Variants in SYT1 observed in about 807,000 individuals in gnomAD.
The protein encoded by SYT1 is synaptotagmin-1.
SYT1 carries 8 observed loss-of-function variants against 44.8 expected under a neutral mutation model. The ratio of observed to expected loss-of-function variants is 0.18; its 90% confidence interval spans 0.10 to 0.32. SYT1 has a LOEUF of 0.32. SYT1 is among the 10% of genes least tolerant of loss of function. The pLI is 1.00. For synonymous variants in SYT1, 154 were observed against 188.8 expected, an observed-to-expected ratio of 0.82 and a Z score of 1.51; for missense variants, 286 against 509.3, an observed-to-expected ratio of 0.56 and a Z score of 4.22.
chr12:79,114,502 T>A (rs567775962), intron 3 of SYT1, among the ~76,000 whole-genome samples: 1 of 152,206 alleles, frequency 6.6e-6, no homozygotes, highest in Non-Finnish European at 1.5e-5. Context: ...AACTCCCATG[T>A]CTTAAGCCCA....
In SYT1 at chr12:78,927,486, G is replaced by A. The variant is rs1877368374; in HGVS notation, c.-216-50313G>A. ...GTGTCTTCCGTGCGTTATGAGATAT[G>A]TCCCATTCTGTAATCTCTGACCATG... On this transcript the variant is annotated intron_variant, in intron 1 of 10. Transcript: ENST00000261205. 2.6e-5 allele frequency among the ~76,000 whole-genome samples: 4 copies of A among 152,142 alleles called. No homozygotes were observed. The South Asian group carries it at 6.2e-4, about 24-fold the overall frequency.
intron 1 of SYT1, among the ~76,000 whole-genome samples, chr12:78,942,310 C>T (rs1878421037): frequency 6.6e-6 from 1 of 152,164 alleles, no homozygotes; most frequent in South Asian, 2.1e-4. Flanking sequence ...ATTCAATGAC[C>T]TTCAAGATTG....
chr12:79,201,112 T>C (rs1873759830), intron 3 of SYT1, among the ~76,000 whole-genome samples: 1 of 152,112 alleles, frequency 6.6e-6, no homozygotes, highest in African/African-American at 2.4e-5. Flanking sequence ...AAAAGGCTTA[T>C]AGTAACGTTC....
At chr12:79,147,861 A>G (rs1411031707) in intron 3 of SYT1, among the ~76,000 whole-genome samples, 1 of 152,182 alleles carries the variant, frequency 6.6e-6, no homozygotes, top group Non-Finnish European at 1.5e-5. Flanking sequence ...TGTATAAGGG[A>G]ATTTGTATTT....
At chr12:79,239,741 A>G (rs1311920708) in intron 4 of SYT1, among the ~76,000 whole-genome samples, 1 of 152,252 alleles carries the variant, frequency 6.6e-6, no homozygotes, top group Non-Finnish European at 1.5e-5. Context: ...CAAGGCTGCC[A>G]TCAAAATGTC....
intron 3 of SYT1, among the ~76,000 whole-genome samples, chr12:79,085,124 A>G (rs1877295340): frequency 6.6e-6 from 1 of 152,170 alleles, no homozygotes; most frequent in Non-Finnish European, 1.5e-5. Flanking sequence ...TCAGCCACCT[A>G]TGTGGACAAC....
intron 3 of SYT1, among the ~76,000 whole-genome samples, chr12:79,137,158 C>A (rs1869246651): frequency 6.6e-6 from 1 of 151,718 alleles, no homozygotes; most frequent in Non-Finnish European, 1.5e-5. Context: ...TGCAATGGTG[C>A]AATCTCGGCT....
At chr12:79,242,774 G>T (rs956217739) in intron 4 of SYT1, among the ~76,000 whole-genome samples, 3 of 152,150 alleles carry the variant, frequency 2.0e-5, no homozygotes, top group Admixed American at 6.5e-5. Flanking sequence ...GTGGAAGACT[G>T]TGTGTTATAT....
intron 3 of SYT1, among the ~76,000 whole-genome samples, chr12:79,158,854 G>A (rs1252023598): frequency 1.3e-5 from 2 of 151,724 alleles, no homozygotes; most frequent in Non-Finnish European, 2.9e-5. Flanking sequence ...CTGTGATCAC[G>A]CCACTGAACT....
intron 3 of SYT1, among the ~76,000 whole-genome samples, chr12:79,199,229 AC>A (rs1270076286): frequency 2.0e-5 from 3 of 152,154 alleles, no homozygotes; most frequent in African/African-American, 7.2e-5. Flanking sequence ...ATGGACTTCT[AC>A]AAAGTGCATC....
At chr12:78,961,753 T>C (rs764782046) in intron 1 of SYT1, among the ~76,000 whole-genome samples, 1 of 152,134 alleles carries the variant, frequency 6.6e-6, no homozygotes, top group Non-Finnish European at 1.5e-5. Flanking sequence ...CCAGAAGATA[T>C]AAGCTGTATA....
chr12:79,276,558 C>A (rs1375890805), intron 4 of SYT1, among the ~76,000 whole-genome samples: 1 of 151,606 alleles, frequency 6.6e-6, no homozygotes, highest in Non-Finnish European at 1.5e-5. Flanking sequence ...CACCTCTAGT[C>A]CCAGCTACTA....
At chr12:78,944,146 T>C (rs1055483218) in intron 1 of SYT1, among the ~76,000 whole-genome samples, 1 of 151,718 alleles carries the variant, frequency 6.6e-6, no homozygotes, top group South Asian at 2.1e-4. Context: ...GAATATACGC[T>C]AAAAGATGCT....
At chr12:78,996,039 T>C (rs1870357642) in intron 2 of SYT1, among the ~76,000 whole-genome samples, 1 of 152,206 alleles carries the variant, frequency 6.6e-6, no homozygotes, top group Admixed American at 6.5e-5. Context: ...GTCCATAATG[T>C]CACTAATAAC....
intron 4 of SYT1, among the ~76,000 whole-genome samples, chr12:79,276,696 A>G (rs1379369734): frequency 6.6e-6 from 1 of 151,462 alleles, no homozygotes; most frequent in Non-Finnish European, 1.5e-5. Context: ...CAAAAAAACC[A>G]GAACTTCTAG....
In SYT1 at chr12:79,378,931, G is replaced by A. The variant is rs61368920; in HGVS notation, c.928+25312G>A. On this transcript the variant is annotated intron_variant, in intron 9 of 10. Coordinates refer to ENST00000261205, the MANE Select transcript of SYT1 (RefSeq NM_005639.3). The stretch of plus-strand genomic sequence containing the variant: ...AGAACTTAGGAAATTTATGGAAGAC[G>A]TGACAGTGACTTCCAAAATCGATAG... Among the ~76,000 whole-genome samples the A allele has an allele frequency of 4.5e-3, 687 of 152,238 alleles. 7 individuals carry two copies. The highest frequency in any genetic ancestry group is 0.016 in the African/African-American group (653 of 41,554).
chr12:78,928,644 A>G (rs895838143), intron 1 of SYT1, among the ~76,000 whole-genome samples: 2 of 152,084 alleles, frequency 1.3e-5, no homozygotes, highest in Non-Finnish European at 2.9e-5. Flanking sequence ...CAGACAGTCA[A>G]TCCATCACAG....
chr12:78,960,001 G>C (rs1441407603), intron 1 of SYT1, among the ~76,000 whole-genome samples: 1 of 152,098 alleles, frequency 6.6e-6, no homozygotes, highest in Non-Finnish European at 1.5e-5. Flanking sequence ...CTGCATTCCA[G>C]AACTGTTTTA....
At chr12:78,991,846 T>A (rs946582804) in intron 2 of SYT1, among the ~76,000 whole-genome samples, 4 of 152,214 alleles carry the variant, frequency 2.6e-5, no homozygotes, top group African/African-American at 4.8e-5. Context: ...TAAGTATCTT[T>A]ATGCCAAGTT....
Sources: allele counts gnomAD v4.1 joint callset (sites outside exome capture counted in the v4.1 genomes callset), GRCh38; gene constraint gnomAD v4.1.1; transcripts MANE v1.5; gene names NCBI Gene and HGNC (gene_info 2026-07-23, HGNC 2026-07-21).